The following TUSC3 variants were observed in gnomAD, a reference collection of about 807,000 sequenced individuals.
TUSC3 encodes the protein dolichyl-diphosphooligosaccharide--protein glycosyltransferase subunit TUSC3.
A neutral mutation model predicts 44.8 loss-of-function variants in TUSC3; 45 were observed. The ratio of observed to expected loss-of-function variants is 1.00; its 90% CI spans 0.79 to 1.29. TUSC3 has a LOEUF of 1.29. Among genes scored for constraint, TUSC3 ranks in the 50% most tolerant of loss-of-function variants. The probability of loss-of-function intolerance (pLI) is 0.00; values close to 1 mark genes in which losing one functional copy is unlikely to be tolerated. For synonymous variants in TUSC3, 212 were observed against 152.9 expected, an observed-to-expected ratio of 1.39 and a Z score of -2.85; for missense variants, 519 against 437.9, an observed-to-expected ratio of 1.19 and a Z score of -1.65.
chr8:15,777,896 G>T, the TUSC3 span, among the ~76,000 whole-genome samples: 4 of 151,970 alleles, frequency 2.6e-5, no homozygotes, highest in East Asian at 3.9e-4. Flanking sequence ...TCCCTTGGAG[G>T]AATTAGTTTA....
upstream of TUSC3, chr8:15,540,242 C>G (rs572166416): frequency 4.9e-6 from 4 of 811,840 alleles, no homozygotes; most frequent in African/African-American, 3.6e-5. Context: ...GGTCTTCTCC[C>G]GGTGAACCGG....
intron 1 of TUSC3, among the ~76,000 whole-genome samples, chr8:15,469,261 A>G (rs1486779166): frequency 6.6e-6 from 1 of 152,236 alleles, no homozygotes; most frequent in Non-Finnish European, 1.5e-5. Flanking sequence ...CAAAAGACAC[A>G]TCTGATAAAG....
the TUSC3 span, among the ~76,000 whole-genome samples, chr8:15,775,852 G>T: frequency 6.7e-6 from 1 of 150,304 alleles, no homozygotes; most frequent in Non-Finnish European, 1.5e-5. Flanking sequence ...TCTTTTTCCT[G>T]TTGTGCCTTT....
chr8:15,844,140 T>C, the TUSC3 span, among the ~76,000 whole-genome samples: 1 of 152,134 alleles, frequency 6.6e-6, no homozygotes. Context: ...GAATGCACCA[T>C]GACAAACAAT....
intron 1 of TUSC3, among the ~76,000 whole-genome samples, chr8:15,465,946 A>T (rs1007341861): frequency 1.3e-5 from 2 of 152,200 alleles, no homozygotes; most frequent in Non-Finnish European, 2.9e-5. Context: ...GGGAATAAAC[A>T]TTGAAATTAA....
the TUSC3 span, among the ~76,000 whole-genome samples, chr8:15,801,505 G>C: frequency 6.7e-6 from 1 of 149,758 alleles, no homozygotes; most frequent in Non-Finnish European, 1.5e-5. Context: ...TAGTAGCCTT[G>C]AGAAAAAAAA....
At chr8:15,771,854 C>T in the TUSC3 span, among the ~76,000 whole-genome samples, 7 of 151,918 alleles carry the variant, frequency 4.6e-5, no homozygotes, top group Admixed American at 1.3e-4. Context: ...TTTGGGAGGC[C>T]GAGACAGGCG....
chr8:15,744,415 C>A (rs764620132), intron 8 of TUSC3, among the ~76,000 whole-genome samples: 2 of 152,116 alleles, frequency 1.3e-5, no homozygotes, highest in African/African-American at 4.8e-5. Flanking sequence ...TTTGATATGT[C>A]CACAGACCTG....
chr8:15,466,100 T>C (rs1051185870), intron 1 of TUSC3, among the ~76,000 whole-genome samples: 22 of 152,178 alleles, frequency 1.4e-4, no homozygotes, highest in African/African-American at 5.3e-4. Context: ...AGTAGTCAGA[T>C]TGTGCTAGAT....
In TUSC3 at chr8:15,653,546, T is replaced by C. The variant is rs145355114; in HGVS notation, c.426+2732T>C. Among the ~76,000 whole-genome samples the C allele has an allele frequency of 1.6e-3, 240 of 152,332 alleles. 1 individual carries two copies. The highest frequency in any genetic ancestry group is 5.6e-3 in the African/African-American group (234 of 41,578). Reference sequence around the variant, plus strand: ...AAGAGTTGAAGTCAGTTGTTTTTAATTGAAACATTTTCTCAGGTTAATTTT... The same window carrying C: ...AAGAGTTGAAGTCAGTTGTTTTTAACTGAAACATTTTCTCAGGTTAATTTT... On this transcript the variant is annotated intron_variant, in intron 3 of 10. Coordinates refer to ENST00000503731, the MANE Select transcript of TUSC3 (RefSeq NM_006765.4).
intron 6 of TUSC3, among the ~76,000 whole-genome samples, chr8:15,715,487 G>T (rs1810022229): frequency 6.6e-6 from 1 of 152,054 alleles, no homozygotes. Context: ...CTCTACGAAG[G>T]CATGATTCGC....
intron 1 of TUSC3, among the ~76,000 whole-genome samples, chr8:15,452,470 A>G (rs1800207178): frequency 6.6e-6 from 1 of 152,190 alleles, no homozygotes; most frequent in Non-Finnish European, 1.5e-5. Flanking sequence ...TCAGTTATAG[A>G]TGATATCTCC....
chr8:15,479,532 A>C (rs1800630629), intron 1 of TUSC3, among the ~76,000 whole-genome samples: 1 of 152,112 alleles, frequency 6.6e-6, no homozygotes, highest in South Asian at 2.1e-4. Flanking sequence ...ACCATATATT[A>C]GTTAAGGAAT....
rs556364487 is a variant in TUSC3 at position 15,506,369 on chromosome 8, A to G, written n.189+22886A>G. On this transcript the variant is annotated intron_variant and non_coding_transcript_variant, in intron 2 of 5. Coordinates refer to the TUSC3 transcript ENST00000503191. ...GTCAGCCATAAAACCTGAAAACATT[A>G]CTGTAACTTTCACTCCACATTTCTG... Among the ~76,000 whole-genome samples the G allele has an allele frequency of 6.6e-5, 10 of 152,316 alleles. No individual in the cohort carries two copies. In the South Asian group the frequency reaches 1.2e-3, roughly 19 times the overall value.
intron 2 of TUSC3, among the ~76,000 whole-genome samples, chr8:15,637,078 A>C (rs1806111904): frequency 6.6e-6 from 1 of 152,238 alleles, no homozygotes; most frequent in Admixed American, 6.5e-5. Context: ...TCAGGCACAC[A>C]AAGAACTCTT....
the TUSC3 span, among the ~76,000 whole-genome samples, chr8:15,823,838 T>C: frequency 6.6e-6 from 1 of 152,162 alleles, no homozygotes; most frequent in Non-Finnish European, 1.5e-5. Flanking sequence ...ATATGAGCAG[T>C]AAATAACAAG....
intron 2 of TUSC3, among the ~76,000 whole-genome samples, chr8:15,630,589 C>T (rs893266701): frequency 2.0e-5 from 3 of 152,032 alleles, no homozygotes; most frequent in Non-Finnish European, 4.4e-5. Flanking sequence ...TTCAGGGTTG[C>T]GATTTGTGAC....
At chr8:15,421,457 C>T (rs149854749) in intron 1 of TUSC3, among the ~76,000 whole-genome samples, 49 of 152,290 alleles carry the variant, frequency 3.2e-4, no homozygotes, top group African/African-American at 1.1e-3. Context: ...AGTCTTTGTT[C>T]AAAAAGGCAA....
chr8:15,669,128 T>C (rs984215152), intron 5 of TUSC3, among the ~76,000 whole-genome samples: 1 of 151,726 alleles, frequency 6.6e-6, no homozygotes, highest in Admixed American at 6.6e-5. Context: ...CCAATTAGAT[T>C]AGGGTGATAA....
Sources: allele counts gnomAD v4.1 joint callset (sites outside exome capture counted in the v4.1 genomes callset), GRCh38; gene constraint gnomAD v4.1.1; transcripts MANE v1.5; gene names NCBI Gene and HGNC (gene_info 2026-07-23, HGNC 2026-07-21).